Variants in DAB1 observed in about 807,000 individuals in gnomAD.
DAB1 encodes the protein disabled homolog 1.
In DAB1, 15 loss-of-function variants were observed where a neutral mutation model predicts 64.6. The observed-to-expected ratio is 0.23, with a 90% CI of 0.16 to 0.36. The LOEUF (loss-of-function observed/expected upper bound fraction) is 0.36. Among genes scored for constraint, DAB1 ranks in the 10% least tolerant of loss-of-function variants. The pLI, the probability that DAB1 is intolerant of heterozygous loss-of-function variation, is 1.00. For synonymous variants in DAB1, 235 were observed against 251.9 expected (o/e 0.93, Z 0.64); for missense variants, 596 against 706.7 (o/e 0.84, Z 1.78).
At chr1:58,400,599 C>T (rs1341159625) in intron 3 of DAB1, among the ~76,000 whole-genome samples, 7 of 152,104 alleles carry the variant, frequency 4.6e-5, no homozygotes, top group South Asian at 2.1e-4. Context: ...AATGTATTTA[C>T]GGCGCTGAGA....
intron 3 of DAB1, among the ~76,000 whole-genome samples, chr1:58,503,063 G>C (rs1310695915): frequency 1.3e-5 from 2 of 152,172 alleles, no homozygotes; most frequent in Non-Finnish European, 2.9e-5. Context: ...CCTCTCCGAA[G>C]ATGCTCAGTA....
At chr1:57,432,064 G>A (rs888923368) in intron 7 of DAB1, among the ~76,000 whole-genome samples, 3 of 151,056 alleles carry the variant, frequency 2.0e-5, no homozygotes, top group African/African-American at 7.3e-5. Context: ...GGAGGTTGCA[G>A]TGAGCTGAGA....
At chr1:57,682,468 G>A (rs946798314) in intron 6 of DAB1, among the ~76,000 whole-genome samples, 1 of 151,194 alleles carries the variant, frequency 6.6e-6, no homozygotes, top group Non-Finnish European at 1.5e-5. Context: ...CAGGTCTATG[G>A]AGACAAAACA....
At chr1:57,265,640 C>G (rs1670530081) in intron 2 of DAB1, among the ~76,000 whole-genome samples, 1 of 152,122 alleles carries the variant, frequency 6.6e-6, no homozygotes, top group Admixed American at 6.5e-5. Context: ...TGGCTTTAGT[C>G]AAGTTTGAGT....
intron 7 of DAB1, among the ~76,000 whole-genome samples, chr1:57,479,153 A>C (rs893155693): frequency 6.6e-5 from 10 of 152,168 alleles, no homozygotes; most frequent in African/African-American, 2.4e-4. Flanking sequence ...TGATAAAATA[A>C]ATAAGCTGCC....
At position 57,034,047 on chromosome 1, in the gene DAB1, C is replaced by T. The variant is rs529971158; in HGVS notation, c.724-8004G>A. Among the ~76,000 whole-genome samples, 7 of 152,086 alleles carry T rather than the reference C, an allele frequency of 4.6e-5. No homozygotes were observed. The South Asian group carries it at 6.2e-4, about 14-fold the overall frequency. Reference sequence around the variant, plus strand: ...CTGTAATCCCAGCACTTTGGGAGGCCGAGGAGGCGGATCACGAGGTCAGGA... The same window carrying T: ...CTGTAATCCCAGCACTTTGGGAGGCTGAGGAGGCGGATCACGAGGTCAGGA... On this transcript the variant is annotated intron_variant, in intron 9 of 14. Transcript: ENST00000371236.
intron 4 of DAB1, among the ~76,000 whole-genome samples, chr1:58,246,135 A>AG (rs1660519323): frequency 6.6e-6 from 1 of 151,850 alleles, no homozygotes; most frequent in African/African-American, 2.4e-5. Context: ...TGTTAACAAA[A>AG]ATGAATAAGA....
At chr1:57,600,350 C>T (rs1645562658) in intron 7 of DAB1, among the ~76,000 whole-genome samples, 1 of 152,182 alleles carries the variant, frequency 6.6e-6, no homozygotes, top group African/African-American at 2.4e-5. Flanking sequence ...AAAAATCTCA[C>T]CACTCCAGGG....
intron 5 of DAB1, among the ~76,000 whole-genome samples, chr1:57,939,451 C>T (rs1204903276): frequency 2.6e-5 from 4 of 152,214 alleles, no homozygotes; most frequent in Non-Finnish European, 5.9e-5. Flanking sequence ...ACCTCAACCA[C>T]GATGTTCTCT....
At chr1:57,990,638 G>C (rs1646320394) in intron 5 of DAB1, among the ~76,000 whole-genome samples, 1 of 152,174 alleles carries the variant, frequency 6.6e-6, no homozygotes, top group Non-Finnish European at 1.5e-5. Context: ...CTTTCCCCCA[G>C]AGGTCCAGAC....
intron 3 of DAB1, among the ~76,000 whole-genome samples, chr1:58,363,830 C>T (rs1644190125): frequency 6.6e-6 from 1 of 151,946 alleles, no homozygotes; most frequent in Admixed American, 6.6e-5. Flanking sequence ...TTATTCTCTT[C>T]TGTTGCTGCA....
At chr1:57,140,681 C>T (rs964558332) in intron 3 of DAB1, among the ~76,000 whole-genome samples, 1 of 152,174 alleles carries the variant, frequency 6.6e-6, no homozygotes, top group African/African-American at 2.4e-5. Flanking sequence ...TATGCATCTA[C>T]TGCACTTCGC....
At chr1:58,512,971 A>T (rs966192911) in intron 2 of DAB1, among the ~76,000 whole-genome samples, 2 of 152,244 alleles carry the variant, frequency 1.3e-5, no homozygotes, top group Non-Finnish European at 1.5e-5. Context: ...TACTCAGTTT[A>T]TCACAAGTCT....
At chr1:57,398,999 T>C (rs945782839) in intron 1 of DAB1, among the ~76,000 whole-genome samples, 3 of 152,214 alleles carry the variant, frequency 2.0e-5, no homozygotes, top group African/African-American at 7.2e-5. Flanking sequence ...CGGGCTTTTG[T>C]TTATAAATGG....
Position 57,986,954 on chromosome 1 carries a change from C to T in DAB1, n.388-102792G>A, listed in dbSNP as rs369462331. ...TACCCTTAATTCATAGGTAAGTATACGAGGTCAGAGACTTTAAATGAATTG... is the reference window on the plus strand; with the variant it reads ...TACCCTTAATTCATAGGTAAGTATATGAGGTCAGAGACTTTAAATGAATTG... On this transcript the variant is annotated intron_variant and non_coding_transcript_variant, in intron 5 of 20. Coordinates refer to the DAB1 transcript ENST00000485760. Among the ~76,000 whole-genome samples the T allele has an allele frequency of 7.2e-5, 11 of 152,258 alleles. No individual in the cohort carries two copies. The South Asian group carries it at 1.2e-3, about 17-fold the overall frequency.
At chr1:57,833,709 C>G (rs1056920669) in intron 1 of DAB1, among the ~76,000 whole-genome samples, 1 of 152,134 alleles carries the variant, frequency 6.6e-6, no homozygotes. Context: ...ATGAGGAGAG[C>G]TGAATATTTT....
chr1:57,969,866 C>G (rs968256287), intron 5 of DAB1, among the ~76,000 whole-genome samples: 8 of 152,088 alleles, frequency 5.3e-5, no homozygotes, highest in Non-Finnish European at 1.0e-4. Flanking sequence ...TTGCTACAGG[C>G]TGAATATTTG....
At chr1:57,746,501 A>G (rs1648275678) in intron 6 of DAB1, among the ~76,000 whole-genome samples, 1 of 152,132 alleles carries the variant, frequency 6.6e-6, no homozygotes, top group African/African-American at 2.4e-5. Context: ...GATTTCCCTT[A>G]TGTGAATTGC....
At chr1:58,440,081 T>C (rs772589752) in intron 3 of DAB1, among the ~76,000 whole-genome samples, 1 of 152,200 alleles carries the variant, frequency 6.6e-6, no homozygotes, top group Non-Finnish European at 1.5e-5. Context: ...GCAAGAGACC[T>C]ATCCAACCAT....
Sources: gnomAD v4.1 joint callset for allele counts (sites outside exome capture counted in the v4.1 genomes callset) on GRCh38, gnomAD v4.1.1 for gene constraint, MANE v1.5 for transcripts, NCBI Gene and HGNC (gene_info 2026-07-23, HGNC 2026-07-21) for gene names.